Variants in TTC39B observed in about 807,000 individuals in gnomAD.
TTC39B encodes tetratricopeptide repeat domain 39B.
A neutral mutation model predicts 96.6 loss-of-function variants in TTC39B; 92 were observed. That is an observed-to-expected ratio of 0.95 (90% confidence interval 0.80 to 1.13). The LOEUF (loss-of-function observed/expected upper bound fraction) is 1.13, where lower values mean the gene tolerates loss of function less well. Ranked by LOEUF, TTC39B falls within the 50% of genes most tolerant of loss-of-function variation. The pLI is 0.00. For missense variants in TTC39B, 955 were observed against 809.3 expected, an observed-to-expected ratio of 1.18 and a Z score of -2.18; for synonymous variants, 367 against 299.4, an observed-to-expected ratio of 1.23 and a Z score of -2.33.
intron 5 of TTC39B, 60 bp from the exon 6 acceptor site, chr9:15,210,224 A>C: frequency 8.4e-7 from 1 of 1,187,302 alleles, no homozygotes; most frequent in Non-Finnish European, 1.2e-6. Context: ...GGCTGAGCTC[A>C]TTTTCATTTG....
At chr9:15,212,039 G>C (rs1195956571) in intron 4 of TTC39B, among the ~76,000 whole-genome samples, 1 of 152,106 alleles carries the variant, frequency 6.6e-6, no homozygotes, top group Non-Finnish European at 1.5e-5. Flanking sequence ...CCTAATAGAT[G>C]GCAGACATCC....
intron 2 of TTC39B, among the ~76,000 whole-genome samples, chr9:15,228,064 T>TA (rs1227390616): frequency 6.6e-6 from 1 of 152,150 alleles, no homozygotes; most frequent in Non-Finnish European, 1.5e-5. Flanking sequence ...AGATTGTTTT[T>TA]AAAAAAACAC....
At chr9:15,239,362 T>A (rs184141472) in intron 2 of TTC39B, among the ~76,000 whole-genome samples, 1 of 152,310 alleles carries the variant, frequency 6.6e-6, no homozygotes, top group African/African-American at 2.4e-5. Context: ...TATGAAGATA[T>A]CTCAAGGAGC....
At chr9:15,190,472 A>G (rs1335734139) in intron 11 of TTC39B, 82 bp downstream of exon 11, 4 of 1,263,272 alleles carry the variant, frequency 3.2e-6, no homozygotes, top group Non-Finnish European at 4.6e-6. Flanking sequence ...CAGCCTCCCA[A>G]GTAGTTGGGA....
At chr9:15,214,350 G>GTC (rs1276603281) in intron 3 of TTC39B, 101 bp from the exon 4 acceptor site, 19 of 552,182 alleles carry the variant, frequency 3.4e-5, no homozygotes, top group Admixed American at 1.7e-4. Flanking sequence ...GTGTGTGTCT[G>GTC]TGTGTGTGTG....
chr9:15,183,515 A>G (rs2118648886), intron 16 of TTC39B: 1 of 336,584 alleles, frequency 3.0e-6, no homozygotes, highest in African/African-American at 2.2e-5. Context: ...AATTTCCTGT[A>G]CATTCTACTT....
chr9:15,217,948 G>A (rs552060508), intron 3 of TTC39B, among the ~76,000 whole-genome samples: 30 of 152,144 alleles, frequency 2.0e-4, no homozygotes, highest in African/African-American at 6.7e-4. Flanking sequence ...GGTGGCTCAC[G>A]CCTGTAATCC....
At chr9:15,214,523 G>A (rs955884536) in intron 3 of TTC39B, among the ~76,000 whole-genome samples, 21 of 152,166 alleles carry the variant, frequency 1.4e-4, no homozygotes, top group Non-Finnish European at 3.1e-4. Flanking sequence ...TCTGTAAATC[G>A]TAGGTAACTA....
At chr9:15,206,188 T>C (rs978819033) in intron 6 of TTC39B, among the ~76,000 whole-genome samples, 2 of 152,162 alleles carry the variant, frequency 1.3e-5, no homozygotes, top group Admixed American at 6.5e-5. Flanking sequence ...CAGGCACTCA[T>C]TGCATTTAAA....
exon 20 of TTC39B, chr9:15,167,028 A>ATAT (rs1554758710): frequency 9.1e-5 from 1 of 11,036 alleles, no homozygotes; most frequent in Non-Finnish European, 1.6e-4. Context: ...ATATATATAT[A>ATAT]TTTTTTTTTT....
At position 15,218,635 on chromosome 9, in the gene TTC39B, A is replaced by AAAAAAAAAAAAAATAT. The variant is rs374054306; in HGVS notation, c.372-4387_372-4386insATATTTTTTTTTTTTT. On this transcript the variant is annotated intron_variant, in intron 3 of 19. Coordinates refer to ENST00000512701, the Ensembl canonical transcript of TTC39B. The stretch of plus-strand genomic sequence containing the variant: ...AGGATGAATTTTTTAGTCTATTTTA[A>AAAAAAAAAAAAAATAT]ATATATATATATAATGAACACATAA... 1.1e-3 allele frequency among the ~76,000 whole-genome samples: 157 copies of AAAAAAAAAAAAAATAT among 149,522 alleles called. No individual in the cohort carries two copies. The Middle Eastern group carries it at 0.011, about 10-fold the overall frequency.
At chr9:15,184,065 C>G (rs1008667249) in intron 16 of TTC39B, among the ~76,000 whole-genome samples, 1 of 151,738 alleles carries the variant, frequency 6.6e-6, no homozygotes, top group Middle Eastern at 3.2e-3. Flanking sequence ...AATCAACAAC[C>G]CAATGAAAAA....
intron 9 of TTC39B, among the ~76,000 whole-genome samples, chr9:15,191,601 C>T (rs12554907): frequency 0.35 from 53,748 of 151,960 alleles, 10,227 homozygotes; most frequent in East Asian, 0.62. Flanking sequence ...AAGCAAAAAT[C>T]AGTCATAGTC....
At chr9:15,207,238 G>A (rs952023966) in intron 6 of TTC39B, among the ~76,000 whole-genome samples, 4 of 152,112 alleles carry the variant, frequency 2.6e-5, no homozygotes, top group African/African-American at 9.7e-5. Context: ...GGGCTCAAGG[G>A]ATCCTCCCAC....
chr9:15,234,422 C>T (rs1320462092), intron 2 of TTC39B, among the ~76,000 whole-genome samples: 5 of 149,890 alleles, frequency 3.3e-5, no homozygotes, highest in Admixed American at 6.6e-5. Context: ...GTCAGCCCCC[C>T]GCCCGGCCAG....
intron 2 of TTC39B, among the ~76,000 whole-genome samples, chr9:15,226,603 T>C (rs1821135827): frequency 6.6e-6 from 1 of 152,236 alleles, no homozygotes; most frequent in Admixed American, 6.5e-5. Flanking sequence ...TTCCAAAAAA[T>C]ACATTCCCGA....
At chr9:15,230,729 C>G (rs1821373708) in intron 2 of TTC39B, among the ~76,000 whole-genome samples, 1 of 152,148 alleles carries the variant, frequency 6.6e-6, no homozygotes, top group Admixed American at 6.5e-5. Context: ...CTCCTGTAAT[C>G]CCAGCAGGAC....
intron 2 of TTC39B, among the ~76,000 whole-genome samples, chr9:15,255,157 CT>C (rs973033861): frequency 2.5e-4 from 38 of 152,102 alleles, no homozygotes; most frequent in African/African-American, 8.7e-4. Context: ...ATAGAAATTA[CT>C]TTATACAATA....
At chr9:15,259,941 G>A (rs937276307) in intron 2 of TTC39B, among the ~76,000 whole-genome samples, 1 of 152,030 alleles carries the variant, frequency 6.6e-6, no homozygotes, top group African/African-American at 2.4e-5. Context: ...GCTAAGAGTG[G>A]GAATAGATAA....
Sources: allele counts gnomAD v4.1 joint callset (sites outside exome capture counted in the v4.1 genomes callset), GRCh38; gene constraint gnomAD v4.1.1; transcripts MANE v1.5; gene names NCBI Gene and HGNC (gene_info 2026-07-23, HGNC 2026-07-21).